The following DIAPH2 variants were observed in gnomAD, a reference collection of about 807,000 sequenced individuals.
The protein encoded by DIAPH2 is protein diaphanous homolog 2.
Under a neutral mutation model 92.7 loss-of-function variants are expected in DIAPH2, and 35 were observed. That is an observed-to-expected ratio of 0.38 (90% CI 0.29 to 0.50). DIAPH2 has a LOEUF of 0.50. DIAPH2 is among the 20% of genes least tolerant of loss of function. The probability of loss-of-function intolerance (pLI) is 0.94; values close to 1 mark genes in which losing one functional copy is unlikely to be tolerated. For missense variants in DIAPH2, 701 were observed against 819.5 expected (o/e 0.86, Z 1.77); for synonymous variants, 301 against 280.4 (o/e 1.07, Z -0.73).
chrX:97,225,336 G>A (rs1427965994), intron 22 of DIAPH2, among the ~76,000 whole-genome samples: 1 of 111,090 alleles, frequency 9.0e-6, no homozygotes, highest in Non-Finnish European at 1.9e-5. Flanking sequence ...TGGTTTAGAG[G>A]GTACCCTTCG....
intron 4 of DIAPH2, among the ~76,000 whole-genome samples, chrX:96,812,000 G>A (rs1347517535): frequency 9.0e-6 from 1 of 111,365 alleles, no homozygotes; most frequent in East Asian, 2.8e-4. Flanking sequence ...TTGTGTCTCT[G>A]CCAGGCTTTG....
chrX:96,781,463 T>C (rs2064417164), intron 4 of DIAPH2, among the ~76,000 whole-genome samples: 1 of 111,657 alleles, frequency 9.0e-6, no homozygotes, highest in South Asian at 3.7e-4. Context: ...GGGTTATCCT[T>C]ATTACCTCCA....
At chrX:97,437,385 T>C (rs1179831738) in intron 26 of DIAPH2, among the ~76,000 whole-genome samples, 4 of 111,909 alleles carry the variant, frequency 3.6e-5, no homozygotes, top group African/African-American at 9.7e-5. Context: ...GTAATACTTA[T>C]TAATCAAATA....
At chrX:97,021,308 C>T (rs149640836) in intron 17 of DIAPH2, among the ~76,000 whole-genome samples, 2,902 of 111,616 alleles carry the variant, frequency 0.026, 97 homozygotes, top group African/African-American at 0.088. Flanking sequence ...AGGTGATCCT[C>T]GCACCTCAGT....
At chrX:97,373,714 C>G (rs1189390641) in intron 24 of DIAPH2, among the ~76,000 whole-genome samples, 1 of 103,342 alleles carries the variant, frequency 9.7e-6, no homozygotes, top group African/African-American at 3.5e-5. Context: ...TCAAGCGATT[C>G]TCCTGCCTCA....
intron 12 of DIAPH2, among the ~76,000 whole-genome samples, 160 bp downstream of exon 12, chrX:96,939,542 GTATGTATA>G (rs2065683923): frequency 1.4e-5 from 1 of 73,500 alleles, no homozygotes; most frequent in Admixed American, 1.6e-4. Context: ...ATATATATAT[GTATGTATA>G]TATGTATATA....
At chrX:97,297,641 A>G (rs1399483233) in intron 23 of DIAPH2, among the ~76,000 whole-genome samples, 1 of 105,618 alleles carries the variant, frequency 9.5e-6, no homozygotes, top group African/African-American at 3.5e-5. Flanking sequence ...GTTGGAGCAA[A>G]ACAGAGATTA....
chrX:97,382,532 A>G (rs1006941757), intron 24 of DIAPH2, among the ~76,000 whole-genome samples: 1 of 112,329 alleles, frequency 8.9e-6, no homozygotes, highest in East Asian at 2.8e-4. Flanking sequence ...AATCTAGCCC[A>G]AAGTGACAGT....
intron 1 of DIAPH2, among the ~76,000 whole-genome samples, chrX:96,728,269 G>A (rs140934313): frequency 9.2e-6 from 1 of 108,795 alleles, no homozygotes; most frequent in African/African-American, 3.3e-5. Context: ...GAATGTAATG[G>A]CATGATCTCG....
At chrX:96,741,532 G>A (rs2064119861) in intron 3 of DIAPH2, among the ~76,000 whole-genome samples, 1 of 103,300 alleles carries the variant, frequency 9.7e-6, no homozygotes, top group Non-Finnish European at 2.0e-5. Flanking sequence ...CTGGAGTGCA[G>A]TGGCATAATT....
intron 17 of DIAPH2, among the ~76,000 whole-genome samples, chrX:97,008,686 G>A (rs773848874): frequency 9.0e-6 from 1 of 111,636 alleles, no homozygotes; most frequent in Non-Finnish European, 1.9e-5. Flanking sequence ...ACTTGTAGGG[G>A]AACTGCCTTG....
chrX:96,815,335 G>A (rs1328643609), intron 4 of DIAPH2, among the ~76,000 whole-genome samples: 1 of 111,931 alleles, frequency 8.9e-6, no homozygotes, highest in Non-Finnish European at 1.9e-5. Context: ...CACCGAGCCA[G>A]GCGCGGGATA....
At chrX:97,349,911 A>C (rs1303124266) in intron 24 of DIAPH2, among the ~76,000 whole-genome samples, 1 of 112,169 alleles carries the variant, frequency 8.9e-6, no homozygotes, top group African/African-American at 3.2e-5. Flanking sequence ...AACAATGAAC[A>C]TTAAAAAGGA....
intron 26 of DIAPH2, among the ~76,000 whole-genome samples, chrX:97,451,226 A>T (rs545884881): frequency 8.9e-6 from 1 of 111,918 alleles, no homozygotes; most frequent in Middle Eastern, 4.6e-3. Flanking sequence ...TACTATGTTA[A>T]ATCAATGCCA....
chrX:97,187,281 C>CTTTTTTTTTTTTTTTTTTTTTTTTTTT (rs763781923), intron 22 of DIAPH2, among the ~76,000 whole-genome samples: 3 of 36,883 alleles, frequency 8.1e-5, no homozygotes, highest in Admixed American at 6.0e-4. Context: ...ATTAAGTAGC[C>CTTTTTTTTTTTTTTTTTTTTTTTTTTT]TTTTTTTTTT....
chrX:97,436,795 C>T (rs1057121782), intron 26 of DIAPH2, among the ~76,000 whole-genome samples: 1 of 111,643 alleles, frequency 9.0e-6, no homozygotes, highest in African/African-American at 3.3e-5. Context: ...GCTATAATAT[C>T]ATGCATTTCT....
chrX:96,904,433 A>G (rs1398195486), intron 5 of DIAPH2, among the ~76,000 whole-genome samples: 1 of 112,218 alleles, frequency 8.9e-6, no homozygotes, highest in Non-Finnish European at 1.9e-5. Context: ...GCTTTCATGT[A>G]GAGAAACCTG....
intron 22 of DIAPH2, among the ~76,000 whole-genome samples, chrX:97,168,341 A>G (rs12851240): frequency 1.8e-5 from 2 of 110,025 alleles, no homozygotes; most frequent in Non-Finnish European, 3.8e-5. Flanking sequence ...GCCCGCCTCA[A>G]CCTCCCAAAG....
chrX:97,164,282 A>T (rs1490229912), intron 22 of DIAPH2, among the ~76,000 whole-genome samples: 42 of 112,162 alleles, frequency 3.7e-4, no homozygotes, highest in Admixed American at 3.4e-3. Context: ...GATCAGAGTC[A>T]TCTGGGCTGA....
Sources: gnomAD v4.1 joint callset for allele counts (sites outside exome capture counted in the v4.1 genomes callset) on GRCh38, gnomAD v4.1.1 for gene constraint, MANE v1.5 for transcripts, NCBI Gene and HGNC (gene_info 2026-07-23, HGNC 2026-07-21) for gene names.